Variants in RAB6A observed in about 807,000 individuals in gnomAD.
RAB6A encodes the protein RAB6A, member RAS oncogene family, also known as ras-related protein Rab-6A.
A neutral mutation model predicts 32.3 loss-of-function variants in RAB6A; 8 were observed. The observed-to-expected ratio is 0.25, with a 90% CI of 0.15 to 0.45. RAB6A has a LOEUF of 0.45. Ranked by LOEUF, RAB6A falls within the 20% of genes least tolerant of loss-of-function variation. The pLI is 1.00. For synonymous variants in RAB6A, 73 were observed against 82.1 expected (o/e 0.89, Z 0.60); for missense variants, 104 against 249.4 (o/e 0.42, Z 3.93).
chr11:73,736,695 G>A (rs1043962668), intron 1 of RAB6A, among the ~76,000 whole-genome samples: 1 of 150,628 alleles, frequency 6.6e-6, no homozygotes, highest in Non-Finnish European at 1.5e-5. Flanking sequence ...CGGAGGCTGA[G>A]GCAGGACAAT....
intron 6 of RAB6A, among the ~76,000 whole-genome samples, chr11:73,692,837 T>C (rs1283279367): frequency 6.8e-6 from 1 of 147,620 alleles, no homozygotes; most frequent in African/African-American, 2.5e-5. Context: ...GGCAGGCGCC[T>C]GTAGTCCCAG....
chr11:73,743,891 C>T (rs1590885914), intron 1 of RAB6A, among the ~76,000 whole-genome samples: 1 of 152,152 alleles, frequency 6.6e-6, no homozygotes, highest in Admixed American at 6.6e-5. Flanking sequence ...TTCTAAATTA[C>T]TTTCAGCCTA....
intron 1 of RAB6A, among the ~76,000 whole-genome samples, chr11:73,736,809 G>GAAAAAAAAA (rs756237159): frequency 2.5e-4 from 27 of 108,748 alleles, no homozygotes; most frequent in Non-Finnish European, 3.1e-4. Flanking sequence ...AAAAAAAAAA[G>GAAAAAAAAA]AAAAAAAAAA....
intron 6 of RAB6A, among the ~76,000 whole-genome samples, chr11:73,684,171 T>G (rs79704504): frequency 6.8e-5 from 10 of 146,500 alleles, no homozygotes; most frequent in African/African-American, 1.1e-4. Flanking sequence ...CATTGTTGTT[T>G]TTTTTTTTTT....
At chr11:73,679,078 ATACAAAGTGC>A in intron 7 of RAB6A, among the ~76,000 whole-genome samples, 1 of 152,302 alleles carries the variant, frequency 6.6e-6, no homozygotes, top group African/African-American at 2.4e-5. Flanking sequence ...GAAGAGCTGA[ATACAAAGTGC>A]TACAAACTAT....
intron 6 of RAB6A, among the ~76,000 whole-genome samples, chr11:73,701,364 A>G (rs151040683): frequency 6.6e-5 from 10 of 152,332 alleles, no homozygotes; most frequent in African/African-American, 1.9e-4. Flanking sequence ...GTGATTCTCA[A>G]TGTTTTCCAA....
At chr11:73,703,756 A>C (rs1014850346) in intron 6 of RAB6A, among the ~76,000 whole-genome samples, 1 of 151,594 alleles carries the variant, frequency 6.6e-6, no homozygotes, top group African/African-American at 2.4e-5. Flanking sequence ...CCCAAAACAA[A>C]AACAAAAACA....
At chr11:73,684,046 A>C (rs925116161) in intron 6 of RAB6A, among the ~76,000 whole-genome samples, 1 of 152,238 alleles carries the variant, frequency 6.6e-6, no homozygotes, top group African/African-American at 2.4e-5. Flanking sequence ...GTCAGCAGAC[A>C]TTAACATCAA....
intron 5 of RAB6A, among the ~76,000 whole-genome samples, chr11:73,711,093 A>G (rs1330196088): frequency 2.6e-5 from 4 of 152,152 alleles, no homozygotes; most frequent in Non-Finnish European, 2.9e-5. Context: ...ACCACCTGGT[A>G]TCTCTGAAGC....
chr11:73,748,525 G>A (rs930660317), intron 1 of RAB6A, among the ~76,000 whole-genome samples: 2 of 152,038 alleles, frequency 1.3e-5, no homozygotes, highest in Non-Finnish European at 2.9e-5. Flanking sequence ...AAAATAAATA[G>A]ACACATAAAA....
At chr11:73,744,978 GAA>G (rs58654043) in intron 1 of RAB6A, among the ~76,000 whole-genome samples, 7 of 83,122 alleles carry the variant, frequency 8.4e-5, no homozygotes, top group Admixed American at 1.3e-4. Flanking sequence ...CATCTCAAAA[GAA>G]AAAAAAAAAA....
intron 6 of RAB6A, among the ~76,000 whole-genome samples, chr11:73,692,238 C>A (rs999315841): frequency 1.3e-5 from 2 of 152,086 alleles, no homozygotes; most frequent in African/African-American, 2.4e-5. Context: ...GGCGCAGTGG[C>A]TCACGCCTGT....
rs546091319 is a variant in RAB6A, at chr11:73,733,748, C to T, written c.71-2925G>A. ...ATACTCTGTAATTCTATTTATATGA[C>T]GTTCAAAACTGGTAGAATTAATGCT... On this transcript the variant is annotated intron_variant, in intron 1 of 7. Transcript: ENST00000336083. Among the ~76,000 whole-genome samples, 43 of 151,860 alleles carry T rather than the reference C, an allele frequency of 2.8e-4. No individual in the cohort carries two copies. In the South Asian group the frequency reaches 5.0e-3, roughly 18 times the overall value.
chr11:73,753,379 TAG>T (rs1409751920), intron 1 of RAB6A, among the ~76,000 whole-genome samples: 1 of 152,002 alleles, frequency 6.6e-6, no homozygotes, highest in East Asian at 2.0e-4. Context: ...TGTATTTTAG[TAG>T]AGACAGGGTT....
At chr11:73,730,382 G>C in intron 2 of RAB6A, 1 of 160,586 alleles carries the variant, frequency 6.2e-6, no homozygotes. Flanking sequence ...TCACATATTT[G>C]TGAATGTGCC....
intron 1 of RAB6A, among the ~76,000 whole-genome samples, chr11:73,754,917 T>TTATTAG (rs1946723765): frequency 1.3e-5 from 2 of 151,400 alleles, no homozygotes; most frequent in Admixed American, 6.6e-5. Context: ...TGCAATGGGT[T>TTATTAG]TATTATTATT....
At chr11:73,758,564 G>A (rs1179949159) in intron 1 of RAB6A, among the ~76,000 whole-genome samples, 1 of 152,018 alleles carries the variant, frequency 6.6e-6, no homozygotes, top group Non-Finnish European at 1.5e-5. Context: ...AACAAGGTAC[G>A]AAATTAGAAG....
intron 6 of RAB6A, among the ~76,000 whole-genome samples, chr11:73,692,372 A>G (rs1261005817): frequency 6.7e-6 from 1 of 149,432 alleles, no homozygotes; most frequent in East Asian, 2.0e-4. Context: ...GTGTGGTGGC[A>G]GGCGCCTGTA....
chr11:73,687,141 G>T (rs2134874929), intron 6 of RAB6A, among the ~76,000 whole-genome samples: 1 of 152,170 alleles, frequency 6.6e-6, no homozygotes, highest in South Asian at 2.1e-4. Flanking sequence ...AACAAATATT[G>T]TATGAGTTCA....
Sources: gnomAD v4.1 joint callset for allele counts (sites outside exome capture counted in the v4.1 genomes callset) on GRCh38, gnomAD v4.1.1 for gene constraint, MANE v1.5 for transcripts, NCBI Gene and HGNC (gene_info 2026-07-23, HGNC 2026-07-21) for gene names.